The following GRM5 variants were observed in gnomAD, a reference collection of about 807,000 sequenced individuals.
GRM5 encodes the protein glutamate metabotropic receptor 5, also known as metabotropic glutamate receptor 5.
Under a neutral mutation model 83.1 loss-of-function variants are expected in GRM5, and 19 were observed. That is an observed-to-expected ratio of 0.23 (90% CI 0.16 to 0.34). The LOEUF (loss-of-function observed/expected upper bound fraction) is 0.34. Ranked by LOEUF, GRM5 falls within the 10% of genes least tolerant of loss-of-function variation. GRM5 has a pLI of 1.00. For synonymous variants in GRM5, 675 were observed against 633.6 expected (o/e 1.07, Z -0.98); for missense variants, 1,160 against 1,588.3 (o/e 0.73, Z 4.58).
At chr11:88,860,098 G>A (rs1179287926) in intron 2 of GRM5, among the ~76,000 whole-genome samples, 1 of 152,020 alleles carries the variant, frequency 6.6e-6, no homozygotes, top group African/African-American at 2.4e-5. Context: ...CAGTGATTTT[G>A]GTGTTAAATT....
intron 3 of GRM5, among the ~76,000 whole-genome samples, chr11:88,709,643 C>G (rs966469376): frequency 1.3e-5 from 2 of 152,126 alleles, no homozygotes; most frequent in African/African-American, 4.8e-5. Flanking sequence ...AGACATGAAT[C>G]TGTGGCACTG....
chr11:88,566,418 G>T (rs1942875546), intron 8 of GRM5, among the ~76,000 whole-genome samples: 1 of 152,182 alleles, frequency 6.6e-6, no homozygotes, highest in Admixed American at 6.5e-5. Context: ...TGAGACTATA[G>T]GCAACAAAGA....
intron 2 of GRM5, among the ~76,000 whole-genome samples, chr11:88,996,225 CTT>C (rs1940181725): frequency 6.6e-6 from 1 of 152,186 alleles, no homozygotes; most frequent in African/African-American, 2.4e-5. Flanking sequence ...ACAGCTGTGT[CTT>C]TATCTCTGAA....
chr11:88,824,823 A>G (rs10831496), intron 3 of GRM5, among the ~76,000 whole-genome samples: 74,400 of 151,918 alleles, frequency 0.49, 21,480 homozygotes, highest in African/African-American at 0.76. Context: ...CTACATATGG[A>G]TATGTGTGTG....
chr11:88,726,655 C>T (rs1941687835), intron 3 of GRM5, among the ~76,000 whole-genome samples: 1 of 152,106 alleles, frequency 6.6e-6, no homozygotes, highest in South Asian at 2.1e-4. Flanking sequence ...GTCAGATTAC[C>T]CACAAAGGGA....
intron 3 of GRM5, among the ~76,000 whole-genome samples, chr11:88,704,673 A>G (rs1243546470): frequency 6.6e-6 from 1 of 152,072 alleles, no homozygotes; most frequent in Non-Finnish European, 1.5e-5. Context: ...ACCTTAAATA[A>G]AACATGGGAC....
intron 2 of GRM5, among the ~76,000 whole-genome samples, chr11:89,044,603 T>C (rs765219867): frequency 2.0e-5 from 3 of 152,180 alleles, no homozygotes; most frequent in Non-Finnish European, 4.4e-5. Context: ...ACCACATCTT[T>C]TCACAGACCT....
intron 3 of GRM5, among the ~76,000 whole-genome samples, chr11:88,818,018 G>A (rs1943721540): frequency 6.6e-6 from 1 of 152,028 alleles, no homozygotes; most frequent in Non-Finnish European, 1.5e-5. Flanking sequence ...TGAGAAAGTT[G>A]ATTGCTAACA....
chr11:88,993,138 C>T (rs180946063), intron 2 of GRM5, among the ~76,000 whole-genome samples: 6 of 151,642 alleles, frequency 4.0e-5, no homozygotes, highest in African/African-American at 9.7e-5. Context: ...TCCTGGCGGG[C>T]GCCTGTAGTC....
chr11:89,046,461 A>C (rs1169326665), intron 2 of GRM5, among the ~76,000 whole-genome samples: 9 of 152,100 alleles, frequency 5.9e-5, no homozygotes, highest in Admixed American at 1.3e-4. Context: ...AATTTTTTCC[A>C]AACAGCCATG....
At chr11:88,725,993 A>G (rs144875638) in intron 3 of GRM5, among the ~76,000 whole-genome samples, 3 of 152,312 alleles carry the variant, frequency 2.0e-5, no homozygotes, top group African/African-American at 4.8e-5. Context: ...CCAAAGGATC[A>G]CAACTCCTTG....
chr11:88,816,342 C>T (rs1293514469), intron 3 of GRM5, among the ~76,000 whole-genome samples: 1 of 150,072 alleles, frequency 6.7e-6, no homozygotes, highest in Non-Finnish European at 1.5e-5. Context: ...AATTTGAGAC[C>T]AGCCTGGCCA....
chr11:88,948,841 T>C (rs1205253272), intron 2 of GRM5, among the ~76,000 whole-genome samples: 2 of 152,010 alleles, frequency 1.3e-5, no homozygotes, highest in Non-Finnish European at 2.9e-5. Context: ...CCTAAGAAAG[T>C]AATACAAATA....
chr11:88,754,963 A>G (rs559569085), intron 3 of GRM5, among the ~76,000 whole-genome samples: 83 of 151,560 alleles, frequency 5.5e-4, no homozygotes, highest in Non-Finnish European at 1.1e-3. Context: ...CAATTTTACA[A>G]CACTTCTGTA....
chr11:88,717,301 A>C (rs1034845232), intron 3 of GRM5, among the ~76,000 whole-genome samples: 4 of 151,930 alleles, frequency 2.6e-5, no homozygotes, highest in South Asian at 2.1e-4. Flanking sequence ...AACAGTTGTT[A>C]ATGTTTTATT....
chr11:88,713,856 T>G (rs969462105), intron 3 of GRM5, among the ~76,000 whole-genome samples: 1 of 151,896 alleles, frequency 6.6e-6, no homozygotes, highest in African/African-American at 2.4e-5. Flanking sequence ...TTTCCCAAAA[T>G]TTTGATTGTT....
At chr11:88,735,886 T>C (rs765477277) in intron 3 of GRM5, among the ~76,000 whole-genome samples, 2 of 152,048 alleles carry the variant, frequency 1.3e-5, no homozygotes, top group African/African-American at 2.4e-5. Flanking sequence ...ACTCGTGTAA[T>C]TGATAACCAA....
intron 3 of GRM5, among the ~76,000 whole-genome samples, chr11:88,685,653 G>T (rs942323080): frequency 1.3e-5 from 2 of 152,266 alleles, no homozygotes; most frequent in Non-Finnish European, 2.9e-5. Flanking sequence ...GGGTCCCAGT[G>T]CTGTGTGCAG....
In GRM5 at chr11:88,922,426, A is replaced by G. The variant is rs1945709011; in HGVS notation, c.662-72271T>C. 6.6e-5 allele frequency among the ~76,000 whole-genome samples: 10 copies of G among 152,326 alleles called. No individual in the cohort carries two copies. In the South Asian group the frequency reaches 2.1e-3, roughly 32 times the overall value. On this transcript the variant is annotated intron_variant, in intron 2 of 9. Coordinates refer to ENST00000305447, the MANE Select transcript of GRM5 (RefSeq NM_001143831.3). The stretch of plus-strand genomic sequence containing the variant: ...ATAGATAACACAGAAATAAATCCAT[A>G]TATCAACAGTGAACTCATTTTTGAC...
Sources: allele counts gnomAD v4.1 joint callset (sites outside exome capture counted in the v4.1 genomes callset), GRCh38; gene constraint gnomAD v4.1.1; transcripts MANE v1.5; gene names NCBI Gene and HGNC (gene_info 2026-07-23, HGNC 2026-07-21).